B3GALT1: variants seen among roughly 807,000 people sequenced by gnomAD.
B3GALT1 encodes the protein UDP-Gal:betaGlcNAc beta 1,3-galactosyltransferase, polypeptide 1.
In B3GALT1, 10 loss-of-function variants were observed where a neutral mutation model predicts 23.2. The observed-to-expected ratio is 0.43, with a 90% CI of 0.27 to 0.73. B3GALT1 has a LOEUF of 0.73. Among genes scored for constraint, B3GALT1 ranks in the 30% least tolerant of loss-of-function variants. B3GALT1 has a pLI of 0.21. For synonymous variants in B3GALT1, 156 were observed against 141.5 expected (o/e 1.10, Z -0.73); for missense variants, 299 against 405.4 (o/e 0.74, Z 2.25).
At chr2:167,676,365 G>A (rs1179245938) in intron 3 of B3GALT1, among the ~76,000 whole-genome samples, 6 of 152,056 alleles carry the variant, frequency 3.9e-5, no homozygotes, top group African/African-American at 9.7e-5. Flanking sequence ...TGACAGTGAC[G>A]TTTATTTTTT....
chr2:167,569,967 C>T lies in B3GALT1; in HGVS notation c.-409-76942C>T, dbSNP rs138548487. Among the ~76,000 whole-genome samples the T allele has an allele frequency of 5.9e-3, 896 of 151,812 alleles. 26 individuals are homozygous for T. The East Asian group carries it at 0.085, about 14-fold the overall frequency. On this transcript the variant is annotated intron_variant, in intron 2 of 4. Coordinates refer to ENST00000392690, the MANE Select transcript of B3GALT1 (RefSeq NM_020981.4). ...CTTTTAGCCTCTGTATGTAATAGAT[C>T]GTGTTAATAGGTTTTTGAATTTTGA...
chr2:167,393,060 C>T (rs1698040816), intron 1 of B3GALT1, among the ~76,000 whole-genome samples: 1 of 151,914 alleles, frequency 6.6e-6, no homozygotes, highest in Admixed American at 6.6e-5. Flanking sequence ...CGGTGAAACC[C>T]CGTCTCTACT....
intron 2 of B3GALT1, among the ~76,000 whole-genome samples, chr2:167,508,782 AAAAG>A (rs147577921): frequency 0.047 from 7,102 of 152,220 alleles, 538 homozygotes; most frequent in African/African-American, 0.16. Context: ...TCATAAAAAA[AAAAG>A]AAAGGAAAAG....
At chr2:167,740,347 C>T (rs1687560464) in intron 3 of B3GALT1, among the ~76,000 whole-genome samples, 1 of 151,988 alleles carries the variant, frequency 6.6e-6, no homozygotes, top group Non-Finnish European at 1.5e-5. Context: ...AGTTCTTTGG[C>T]CTATTTCTCT....
intron 3 of B3GALT1, among the ~76,000 whole-genome samples, chr2:167,723,125 A>T (rs1687259155): frequency 6.6e-6 from 1 of 152,180 alleles, no homozygotes; most frequent in South Asian, 2.1e-4. Context: ...GTTGTGATGA[A>T]TTTCACTGTA....
chr2:167,721,437 A>C (rs1687231178), intron 3 of B3GALT1, among the ~76,000 whole-genome samples: 1 of 152,232 alleles, frequency 6.6e-6, no homozygotes, highest in Non-Finnish European at 1.5e-5. Context: ...GCAGAAACAG[A>C]AAATAGCCAT....
chr2:167,763,108 TTTTA>T (rs1276775957), intron 3 of B3GALT1, among the ~76,000 whole-genome samples: 4 of 152,170 alleles, frequency 2.6e-5, no homozygotes, highest in South Asian at 2.1e-4. Context: ...TATTAAGTGT[TTTTA>T]TTTATTTATT....
chr2:167,797,316 T>C (rs1473516411), intron 3 of B3GALT1, among the ~76,000 whole-genome samples: 1 of 152,256 alleles, frequency 6.6e-6, no homozygotes, highest in African/African-American at 2.4e-5. Context: ...CTCATTCGTT[T>C]TTATGGCTGC....
chr2:167,588,849 C>T (rs1367163492), intron 2 of B3GALT1, among the ~76,000 whole-genome samples: 1 of 139,512 alleles, frequency 7.2e-6, no homozygotes. Context: ...TTCCTTCTTT[C>T]CTTCCTTCCT....
intron 1 of B3GALT1, among the ~76,000 whole-genome samples, chr2:167,334,338 T>C (rs13416692): frequency 0.028 from 4,285 of 152,250 alleles, 142 homozygotes; most frequent in East Asian, 0.082. Context: ...GTAAAAGGAC[T>C]CTATTCACTT....
intron 3 of B3GALT1, among the ~76,000 whole-genome samples, chr2:167,666,660 A>G (rs930520599): frequency 1.3e-5 from 2 of 152,026 alleles, no homozygotes; most frequent in Non-Finnish European, 2.9e-5. Context: ...TATATTTGGG[A>G]TAGTTAGCTC....
At chr2:167,664,651 G>A (rs544728816) in intron 3 of B3GALT1, among the ~76,000 whole-genome samples, 9 of 152,286 alleles carry the variant, frequency 5.9e-5, no homozygotes, top group East Asian at 3.9e-4. Flanking sequence ...GCAGTGGTTT[G>A]TAGTTCTCCT....
chr2:167,517,806 G>C (rs1700127741), intron 2 of B3GALT1, among the ~76,000 whole-genome samples: 3 of 152,014 alleles, frequency 2.0e-5, no homozygotes, highest in Non-Finnish European at 4.4e-5. Context: ...TACAGTGCTG[G>C]AGTTGTATGA....
intron 3 of B3GALT1, among the ~76,000 whole-genome samples, 148 bp from the exon 4 acceptor site, chr2:167,818,524 A>G (rs1689041574): frequency 6.6e-6 from 1 of 152,194 alleles, no homozygotes; most frequent in African/African-American, 2.4e-5. Context: ...GTCCACCTCT[A>G]TTCAACGCCT....
At chr2:167,391,596 A>G (rs1245953428) in intron 1 of B3GALT1, among the ~76,000 whole-genome samples, 1 of 152,188 alleles carries the variant, frequency 6.6e-6, no homozygotes, top group Non-Finnish European at 1.5e-5. Context: ...ACCTGATCTA[A>G]TAGATTTTTA....
chr2:167,598,531 A>C (rs1684821894), intron 2 of B3GALT1, among the ~76,000 whole-genome samples: 1 of 152,148 alleles, frequency 6.6e-6, no homozygotes, highest in Non-Finnish European at 1.5e-5. Context: ...AAATTATCCC[A>C]GAAAAACCTC....
intron 1 of B3GALT1, among the ~76,000 whole-genome samples, chr2:167,448,546 T>C (rs1699039325): frequency 6.6e-6 from 1 of 152,200 alleles, no homozygotes; most frequent in Non-Finnish European, 1.5e-5. Flanking sequence ...GTGAAGATTT[T>C]CTCTCACTCT....
At chr2:167,387,899 A>G (rs1486884548) in intron 1 of B3GALT1, among the ~76,000 whole-genome samples, 3 of 152,224 alleles carry the variant, frequency 2.0e-5, no homozygotes, top group Admixed American at 6.5e-5. Flanking sequence ...TCTTTATTTC[A>G]TAATAGCATT....
chr2:167,359,199 A>T (rs1012811692), intron 1 of B3GALT1, among the ~76,000 whole-genome samples: 2 of 152,228 alleles, frequency 1.3e-5, no homozygotes, highest in Non-Finnish European at 2.9e-5. Context: ...ATTTAAAAAA[A>T]AAGCTCAAAA....
Sources: gnomAD v4.1 joint callset for allele counts (sites outside exome capture counted in the v4.1 genomes callset) on GRCh38, gnomAD v4.1.1 for gene constraint, MANE v1.5 for transcripts, NCBI Gene and HGNC (gene_info 2026-07-23, HGNC 2026-07-21) for gene names.